The following STRADA variants were observed in gnomAD, a reference collection of about 807,000 sequenced individuals.
The protein encoded by STRADA is STE20 related adaptor alpha.
Under a neutral mutation model 55.0 loss-of-function variants are expected in STRADA, and 26 were observed. The observed-to-expected ratio is 0.47, with a 90% CI of 0.35 to 0.66. The LOEUF is 0.66. Among genes scored for constraint, STRADA ranks in the 30% least tolerant of loss-of-function variants. The pLI, the probability that STRADA is intolerant of heterozygous loss-of-function variation, is 0.01. For missense variants in STRADA, 443 were observed against 549.7 expected, an observed-to-expected ratio of 0.81 and a Z score of 1.94; for synonymous variants, 197 against 210.9, an observed-to-expected ratio of 0.93 and a Z score of 0.57.
intron 3 of STRADA, among the ~76,000 whole-genome samples, chr17:63,724,664 G>A (rs541655847): frequency 2.6e-4 from 39 of 152,026 alleles, no homozygotes; most frequent in Non-Finnish European, 3.7e-4. Flanking sequence ...TGCCCACCTC[G>A]GCCTCCCAAA....
intron 1 of STRADA, among the ~76,000 whole-genome samples, chr17:63,733,508 A>C (rs1248967162): frequency 1.3e-5 from 2 of 152,252 alleles, no homozygotes; most frequent in Middle Eastern, 3.4e-3. Flanking sequence ...CCATTCCCAT[A>C]TCTCTCAAAA....
At chr17:63,711,722 C>T (rs2036511717) in intron 6 of STRADA, among the ~76,000 whole-genome samples, 1 of 151,924 alleles carries the variant, frequency 6.6e-6, no homozygotes, top group Admixed American at 6.5e-5. Flanking sequence ...TCACTTGAGC[C>T]CAAGAGTTGG....
intron 1 of STRADA, among the ~76,000 whole-genome samples, chr17:63,730,784 C>A (rs1238182933): frequency 2.0e-5 from 3 of 151,986 alleles, no homozygotes; most frequent in Non-Finnish European, 1.5e-5. Context: ...TGGTCTCGAA[C>A]CCTTGATCTC....
intron 1 of STRADA, among the ~76,000 whole-genome samples, chr17:63,731,777 A>G (rs1391500539): frequency 6.6e-6 from 1 of 152,182 alleles, no homozygotes; most frequent in African/African-American, 2.4e-5. Flanking sequence ...AATTAGTGTA[A>G]AGAGGCAGAT....
At chr17:63,738,995 C>G (rs1223622581) in intron 1 of STRADA, among the ~76,000 whole-genome samples, 4 of 150,580 alleles carry the variant, frequency 2.7e-5, no homozygotes, top group Non-Finnish European at 5.9e-5. Flanking sequence ...ACTAAAATTA[C>G]AAAAAAAATT....
chr17:63,716,158 C>T (rs945979137), intron 4 of STRADA, among the ~76,000 whole-genome samples: 1 of 150,014 alleles, frequency 6.7e-6, no homozygotes, highest in Non-Finnish European at 1.5e-5. Flanking sequence ...TGCAGTGGCA[C>T]GATCTTGGCT....
At chr17:63,725,750 A>G (rs1013026647) in intron 3 of STRADA, 1 of 151,658 alleles carries the variant, frequency 6.6e-6, no homozygotes, top group Non-Finnish European at 1.5e-5. Flanking sequence ...GCTCATTGCA[A>G]GCTCCGCCTC....
chr17:63,707,599 C>T, intron 8 of STRADA, 181 bp from the exon 9 acceptor site: 1 of 632,490 alleles, frequency 1.6e-6, no homozygotes, highest in Non-Finnish European at 2.7e-6. Context: ...CTCACTCTGT[C>T]ACCCGGCTAG....
chr17:63,721,734 A>G (rs1172012320), intron 4 of STRADA, among the ~76,000 whole-genome samples: 1 of 152,114 alleles, frequency 6.6e-6, no homozygotes, highest in Admixed American at 6.6e-5. Context: ...AAAAGAAAGA[A>G]AGAAAATAAA....
At chr17:63,707,542 ATTTT>A in intron 8 of STRADA, 124 bp from the exon 9 acceptor site, 2 of 820,432 alleles carry the variant, frequency 2.4e-6, no homozygotes, top group Non-Finnish European at 3.8e-6. Context: ...GTATATGTGT[ATTTT>A]ACATATACAT....
rs1487181263 is a variant in STRADA at position 63,713,966 on chromosome 17, G to C, written c.226+40C>G. ...GCTGAGAAAGCTGCAGCAGCCCCTG[G>C]AGCAGAAAGCAGGAGAGTAAGGACG... On this transcript the variant is annotated intron_variant, in intron 5 of 12. Transcript: ENST00000336174. 17 of 1,540,472 alleles carry C rather than the reference G, an allele frequency of 1.1e-5. No homozygotes were observed. In the Admixed American group the frequency reaches 2.7e-4, roughly 24 times the overall value.
rs771962134 is a variant in STRADA at position 63,740,086 on chromosome 17, C to CTATATATATATATATATATA, written c.-45+1635_-45+1654dup. ...CCCAGCCTATCAGAAACATTTAACA[C>CTATATATATATATATATATA]TATATATATATATATATATATACAT... On this transcript the variant is annotated intron_variant, in intron 1 of 12. Transcript: ENST00000336174. Among the ~76,000 whole-genome samples, 40 of 41,514 alleles carry CTATATATATATATATATATA rather than the reference C, an allele frequency of 9.6e-4. 4 individuals carry two copies. The highest frequency in any genetic ancestry group is 7.8e-3 in the African/African-American group (39 of 4,994). The allele number at this position is 41,514 out of a possible 152,430, so 27.2% of individuals were successfully genotyped here. A position where few individuals can be genotyped will look rare whatever the true frequency, so the allele number is the denominator to read the frequency against.
At chr17:63,713,565 A>G (rs1212891241) in intron 5 of STRADA, 38 bp from the exon 6 acceptor site, 1 of 1,597,978 alleles carries the variant, frequency 6.3e-7, no homozygotes, top group Non-Finnish European at 8.5e-7. Context: ...AAGGACAAGA[A>G]CAACAAAAGG....
rs57585655 is a variant in STRADA, at chr17:63,740,147, TACACACACAC to T, written c.-45+1584_-45+1593del. On this transcript the variant is annotated intron_variant, in intron 1 of 12. Coordinates refer to ENST00000336174, the MANE Select transcript of STRADA (RefSeq NM_001003787.4). ...ATATATACACATACATATATATATA[TACACACACAC>T]ACACACACACACACACACACACACA... 4.0e-3 allele frequency among the ~76,000 whole-genome samples: 270 copies of T among 66,968 alleles called. 13 individuals carry two copies. Among genetic ancestry groups the T allele is most frequent in the African/African-American group, 0.018 (256 of 14,480 alleles). The allele number at this position is 66,968 out of a possible 152,430, so 43.9% of individuals were successfully genotyped here.
intron 12 of STRADA, 76 bp downstream of exon 12, chr17:63,703,929 G>A: frequency 6.2e-7 from 1 of 1,608,528 alleles, no homozygotes; most frequent in Non-Finnish European, 8.5e-7. Context: ...CAAAGGGAGG[G>A]GAGAGAAAGC....
In STRADA at chr17:63,710,502, T is replaced by G. The variant is rs762744652; in HGVS notation, c.570A>C (p.Gly190=). 6.2e-7 allele frequency: 1 copy of G among 1,613,718 alleles called. No individual in the cohort carries two copies. Among genetic ancestry groups the G allele is most frequent in the Non-Finnish European group, 8.5e-7 (1 of 1,179,842 alleles). ...GCCTAAGAACGCACCTGTGTACATA[T>G]CCCATGTGGTGGATGTAGTCGAGGG... is the stretch of plus-strand genomic sequence containing the variant. ...LKALDYIHHM[G]YVHRSVKASH... is the part of the protein sequence containing the mutation. The change falls in exon 8 of 13, where the codon GGA becomes GGC. Residue 190 remains glycine, a synonymous_variant. Coordinates refer to ENST00000336174, the MANE Select transcript of STRADA (RefSeq NM_001003787.4).
rs148739282 is a variant in STRADA, at chr17:63,731,411, C to T, written c.-44-2998G>A. ...CCCAGTAGCTGGGATTACAGGCATG[C>T]GCTACCACACCCAGCTAATTTTTTG... On this transcript the variant is annotated intron_variant, in intron 1 of 12. Coordinates refer to ENST00000336174, the MANE Select transcript of STRADA (RefSeq NM_001003787.4). Among the ~76,000 whole-genome samples the T allele has an allele frequency of 6.9e-3, 1,048 of 151,812 alleles. 11 individuals carry two copies. The highest frequency in any genetic ancestry group is 0.023 in the African/African-American group (963 of 41,400).
chr17:63,719,259 C>G (rs2037121240), intron 4 of STRADA: 1 of 152,122 alleles, frequency 6.6e-6, no homozygotes, highest in African/African-American at 2.4e-5. Flanking sequence ...GAATCTGATT[C>G]CTGCATGTGA....
intron 1 of STRADA, among the ~76,000 whole-genome samples, chr17:63,732,725 G>A (rs2038156300): frequency 6.6e-6 from 1 of 151,994 alleles, no homozygotes; most frequent in Non-Finnish European, 1.5e-5. Flanking sequence ...AACCTAGGAG[G>A]CAGAGGTTGA....
Sources: allele counts gnomAD v4.1 joint callset (sites outside exome capture counted in the v4.1 genomes callset), GRCh38; gene constraint gnomAD v4.1.1; transcripts MANE v1.5; gene names NCBI Gene and HGNC (gene_info 2026-07-23, HGNC 2026-07-21).